GRM1: variants seen among roughly 807,000 people sequenced by gnomAD.
The protein encoded by GRM1 is metabotropic glutamate receptor 1.
GRM1 carries 33 observed loss-of-function variants against 90.9 expected under a neutral mutation model. The observed-to-expected ratio is 0.36, with a 90% CI of 0.28 to 0.49. The LOEUF (loss-of-function observed/expected upper bound fraction) is 0.49, where lower values mean the gene tolerates loss of function less well. Ranked by LOEUF, GRM1 falls within the 20% of genes least tolerant of loss-of-function variation. The probability of loss-of-function intolerance (pLI) is 0.99; values close to 1 mark genes in which losing one functional copy is unlikely to be tolerated. For missense variants in GRM1, 1,190 were observed against 1,534.3 expected (o/e 0.78, Z 3.75); for synonymous variants, 700 against 613.2 (o/e 1.14, Z -2.09).
At chr6:146,342,433 G>T (rs1785016731) in intron 3 of GRM1, among the ~76,000 whole-genome samples, 1 of 152,150 alleles carries the variant, frequency 6.6e-6, no homozygotes, top group African/African-American at 2.4e-5. Flanking sequence ...CCATTAGCTT[G>T]CTGAGTGTAA....
chr6:146,342,654 T>A (rs1177791205), intron 3 of GRM1, among the ~76,000 whole-genome samples: 1 of 152,218 alleles, frequency 6.6e-6, no homozygotes, highest in Non-Finnish European at 1.5e-5. Flanking sequence ...TAAGTCCTTG[T>A]GAGATGAATA....
chr6:146,321,754 A>C (rs1784198045), intron 3 of GRM1, among the ~76,000 whole-genome samples: 1 of 151,462 alleles, frequency 6.6e-6, no homozygotes, highest in African/African-American at 2.4e-5. Flanking sequence ...TTTTGGTTTA[A>C]AGTCTGTTTT....
At chr6:146,140,024 C>T (rs1776790497) in intron 1 of GRM1, among the ~76,000 whole-genome samples, 1 of 142,566 alleles carries the variant, frequency 7.0e-6, no homozygotes, top group Non-Finnish European at 1.5e-5. Flanking sequence ...CACTTCCCCT[C>T]CTCTCCCCTT....
At chr6:146,266,377 A>G (rs1487936914) in intron 2 of GRM1, among the ~76,000 whole-genome samples, 1 of 152,140 alleles carries the variant, frequency 6.6e-6, no homozygotes, top group African/African-American at 2.4e-5. Context: ...AGTTTTCTTA[A>G]TACCTTCAAT....
chr6:146,412,372 T>C (rs939282512), intron 7 of GRM1, among the ~76,000 whole-genome samples: 1 of 152,162 alleles, frequency 6.6e-6, no homozygotes, highest in African/African-American at 2.4e-5. Context: ...GGCTGGCCCT[T>C]GGAAAACCCT....
At position 146,435,946 on chromosome 6, in the gene GRM1, T is replaced by G. The variant is rs1232140992; in HGVS notation, c.*1150T>G. The G allele has an allele frequency of 1.3e-5, 2 of 152,664 alleles. No individual in the cohort carries two copies. Among genetic ancestry groups the G allele is most frequent in the African/African-American group, 4.8e-5 (2 of 41,464 alleles). The allele number at this position is 152,664 out of a possible 1,614,324, so 9.5% of individuals were successfully genotyped here. A position where few individuals can be genotyped will look rare whatever the true frequency, so the allele number is the denominator to read the frequency against. On this transcript the variant is annotated 3_prime_UTR_variant, in exon 8 of 8. Coordinates refer to ENST00000282753, the MANE Select transcript of GRM1 (RefSeq NM_001278064.2). ...CTAATGGTGTACTCATAGCAACTAT[T>G]ACTGGTTTAAATGACAAATAATTCT...
chr6:146,423,937 A>G (rs1778101403), intron 7 of GRM1, among the ~76,000 whole-genome samples: 2 of 152,130 alleles, frequency 1.3e-5, no homozygotes, highest in African/African-American at 4.8e-5. Flanking sequence ...TGTATTTTTC[A>G]TTTAGTGCTG....
chr6:146,078,456 T>C lies in GRM1; in HGVS notation c.700+48239T>C, dbSNP rs189515960. Among the ~76,000 whole-genome samples the C allele has an allele frequency of 3.5e-3, 529 of 152,308 alleles. 3 individuals carry two copies. Among genetic ancestry groups the C allele is most frequent in the African/African-American group, 0.012 (510 of 41,566 alleles). On this transcript the variant is annotated intron_variant, in intron 1 of 7. Transcript: ENST00000282753. ...GTTCAGCACAAGTGCTAGCTAGAAC[T>C]GGCATTTGGATATGTGGGGTCCACT...
At position 146,434,644 on chromosome 6, in the gene GRM1, C is replaced by T; in HGVS notation, c.3433C>T (p.Leu1145=). Residue 1145 remains leucine (L), a synonymous_variant, in exon 8 of 8, where the codon CTG becomes TTG. Transcript: ENST00000282753. ...ACTGACCCCGGATGATTCGCCTGCGCTGACGCCTCCGTCGCCTTTCCGCGA... is the reference window on the plus strand; with the variant it reads ...ACTGACCCCGGATGATTCGCCTGCGTTGACGCCTCCGTCGCCTTTCCGCGA... ...SKLTPDDSPA[L]TPPSPFRDSV... 1 of 1,610,482 alleles carries T rather than the reference C, an allele frequency of 6.2e-7. No individual in the cohort carries two copies. Among genetic ancestry groups the T allele is most frequent in the East Asian group, 2.2e-5 (1 of 44,866 alleles).
intron 3 of GRM1, among the ~76,000 whole-genome samples, chr6:146,309,657 A>G (rs1228897409): frequency 6.6e-6 from 1 of 152,078 alleles, no homozygotes; most frequent in Non-Finnish European, 1.5e-5. Flanking sequence ...ACTACTGGCC[A>G]TTCTTATGTT....
chr6:146,369,593 C>T (rs776118341), intron 5 of GRM1, among the ~76,000 whole-genome samples: 14 of 151,924 alleles, frequency 9.2e-5, no homozygotes, highest in Non-Finnish European at 1.2e-4. Flanking sequence ...CATTCAGTAG[C>T]GTGTCATTTA....
rs3827636 is a variant in GRM1, at chr6:146,396,177, G to T, written c.1730-2592G>T. Among the ~76,000 whole-genome samples, 29 of 151,798 alleles carry T rather than the reference G, an allele frequency of 1.9e-4. No individual in the cohort carries two copies. In the East Asian group the frequency reaches 5.6e-3, roughly 29 times the overall value. On this transcript the variant is annotated intron_variant, in intron 6 of 7. Transcript: ENST00000282753. ...ATTGGGAAAACAAAAATAAAATTAG[G>T]ATTAGTATGTGACTTTATATAGGAA...
chr6:146,427,747 A>C (rs1778262759), intron 7 of GRM1, among the ~76,000 whole-genome samples: 1 of 152,194 alleles, frequency 6.6e-6, no homozygotes, highest in Admixed American at 6.5e-5. Flanking sequence ...CTGCGCATCT[A>C]GGTCAGAGCC....
intron 1 of GRM1, among the ~76,000 whole-genome samples, chr6:146,100,611 T>A (rs1382717766): frequency 6.6e-6 from 1 of 152,212 alleles, no homozygotes; most frequent in Non-Finnish European, 1.5e-5. Context: ...TAAATATCTA[T>A]TCCTGCAATA....
chr6:146,103,351 C>A (rs1043746488), intron 1 of GRM1, among the ~76,000 whole-genome samples: 4 of 152,084 alleles, frequency 2.6e-5, no homozygotes, highest in African/African-American at 9.7e-5. Context: ...AGGGATTACC[C>A]AGGCCAAAGG....
chr6:146,358,924 T>C (rs1281583955), intron 5 of GRM1, among the ~76,000 whole-genome samples: 1 of 152,200 alleles, frequency 6.6e-6, no homozygotes, highest in African/African-American at 2.4e-5. Flanking sequence ...AAATATTTGA[T>C]AGTTGTTATG....
chr6:146,067,285 T>C (rs1001072291), intron 1 of GRM1, among the ~76,000 whole-genome samples: 3 of 151,618 alleles, frequency 2.0e-5, no homozygotes, highest in Non-Finnish European at 4.4e-5. Flanking sequence ...CTATTGCTTA[T>C]TTATGTTTCC....
chr6:146,190,198 T>G (rs1778889931), intron 2 of GRM1, among the ~76,000 whole-genome samples: 1 of 152,166 alleles, frequency 6.6e-6, no homozygotes, highest in Non-Finnish European at 1.5e-5. Context: ...CCAAAGAACT[T>G]GACTCTACCA....
intron 2 of GRM1, among the ~76,000 whole-genome samples, chr6:146,208,619 G>A (rs1330669211): frequency 6.6e-6 from 1 of 151,948 alleles, no homozygotes; most frequent in Non-Finnish European, 1.5e-5. Context: ...TTGTCATTAT[G>A]CATTTTGAAG....
Sources: allele counts gnomAD v4.1 joint callset (sites outside exome capture counted in the v4.1 genomes callset), GRCh38; gene constraint gnomAD v4.1.1; transcripts MANE v1.5; gene names NCBI Gene and HGNC (gene_info 2026-07-23, HGNC 2026-07-21).